Variants in VIT observed in about 807,000 individuals in gnomAD.
VIT encodes the protein vitrin.
Under a neutral mutation model 78.0 loss-of-function variants are expected in VIT, and 99 were observed. The ratio of observed to expected loss-of-function variants is 1.27; its 90% confidence interval spans 1.08 to 1.50. VIT has a LOEUF of 1.50. VIT is among the 40% of genes most tolerant of loss of function. The pLI is 0.00. For missense variants in VIT, 1,126 were observed against 875.3 expected (o/e 1.29, Z -3.61); for synonymous variants, 374 against 334.3 (o/e 1.12, Z -1.29).
intron 4 of VIT, 120 bp from the exon 5 acceptor site, chr2:36,754,801 T>C: frequency 8.7e-7 from 1 of 1,152,216 alleles, no homozygotes; most frequent in Non-Finnish European, 1.2e-6. Context: ...CAAGGTAAAC[T>C]TTGCTTAACC....
At chr2:36,743,359 T>A in intron 4 of VIT, 103 bp downstream of exon 4, 1 of 1,210,198 alleles carries the variant, frequency 8.3e-7, no homozygotes. Context: ...TATACAAATA[T>A]TTTTTAGCTC....
intron 1 of VIT, among the ~76,000 whole-genome samples, chr2:36,703,448 A>T (rs556735441): frequency 9.9e-5 from 15 of 152,182 alleles, no homozygotes; most frequent in African/African-American, 3.6e-4. Context: ...TGAGGCCTCA[A>T]CCAAAACTAA....
intron 4 of VIT, among the ~76,000 whole-genome samples, chr2:36,753,413 C>T (rs1363800314): frequency 2.0e-5 from 3 of 152,140 alleles, no homozygotes; most frequent in Non-Finnish European, 2.9e-5. Context: ...CAGGTGTCCG[C>T]GGCACCTTCT....
At chr2:36,790,869 T>C (rs752092140) in intron 12 of VIT, among the ~76,000 whole-genome samples, 3 of 151,652 alleles carry the variant, frequency 2.0e-5, no homozygotes, top group Admixed American at 6.6e-5. Flanking sequence ...GGCTTATAAT[T>C]GCACCTAATA....
chr2:36,709,786 G>C (rs1172275092), intron 1 of VIT, among the ~76,000 whole-genome samples: 1 of 152,146 alleles, frequency 6.6e-6, no homozygotes, highest in Non-Finnish European at 1.5e-5. Context: ...TCAAAAGAGA[G>C]GATTACTCAG....
chr2:36,747,223 T>C (rs1472366247), intron 4 of VIT, among the ~76,000 whole-genome samples: 1 of 152,158 alleles, frequency 6.6e-6, no homozygotes, highest in East Asian at 1.9e-4. Context: ...ACTAAACATG[T>C]GGTCAATCAT....
At position 36,712,582 on chromosome 2, in the gene VIT, T is replaced by C. The variant is rs576005668; in HGVS notation, c.-18-3771T>C. Among the ~76,000 whole-genome samples the C allele has an allele frequency of 2.0e-5, 3 of 152,300 alleles. No individual in the cohort carries two copies. In the South Asian group the frequency reaches 6.2e-4, roughly 32 times the overall value. On this transcript the variant is annotated intron_variant, in intron 1 of 15. Coordinates refer to ENST00000379242, the MANE Select transcript of VIT (RefSeq NM_053276.4). Reference sequence around the variant, plus strand: ...GGCCGGGGGTGGTGGCTCACACCTGTAATCCCAGACTTTGGGAGGCTGAGG... The same window carrying C: ...GGCCGGGGGTGGTGGCTCACACCTGCAATCCCAGACTTTGGGAGGCTGAGG...
At chr2:36,776,424 C>A (rs948632911) in intron 9 of VIT, among the ~76,000 whole-genome samples, 13 of 139,188 alleles carry the variant, frequency 9.3e-5, no homozygotes, top group Admixed American at 2.4e-4. Context: ...CTCACTGAAG[C>A]CTTGGTTTTA....
Position 36,767,218 on chromosome 2 carries a change from C to G in VIT, c.612C>G (p.Ser204=), listed in dbSNP as rs375277965. Residue 204 remains serine, a synonymous_variant, in exon 7 of 16, where the codon TCC becomes TCG. Transcript: ENST00000379242. ...CCCCCACCACCTTGCCAAGGCCATCCCCTTCTGCTGCTTCTACCACCAGCA... is the reference window on the plus strand; with the variant it reads ...CCCCCACCACCTTGCCAAGGCCATCGCCTTCTGCTGCTTCTACCACCAGCA... The part of the protein sequence containing the change: ...VATPTTLPRP[S]PSAASTTSIP... The G allele has an allele frequency of 6.2e-7, 1 of 1,607,568 alleles. No homozygotes were observed. The highest frequency in any genetic ancestry group is 8.5e-7 in the Non-Finnish European group (1 of 1,177,258).
chr2:36,805,769 C>T, intron 14 of VIT, 105 bp downstream of exon 14: 1 of 1,271,658 alleles, frequency 7.9e-7, no homozygotes, highest in South Asian at 1.5e-5. Context: ...GTGCATGAAG[C>T]TCATCTCTAG....
At chr2:36,751,088 C>T (rs956236296) in intron 4 of VIT, among the ~76,000 whole-genome samples, 1 of 152,066 alleles carries the variant, frequency 6.6e-6, no homozygotes, top group Admixed American at 6.5e-5. Context: ...GGCAAAACCC[C>T]GTCTCTACTA....
chr2:36,794,910 G>A (rs1228093792), intron 12 of VIT, among the ~76,000 whole-genome samples: 1 of 152,116 alleles, frequency 6.6e-6, no homozygotes, highest in Non-Finnish European at 1.5e-5. Context: ...TAGCTCATCT[G>A]TATGCCTCTG....
chr2:36,717,182 A>ATT (rs577779821), intron 2 of VIT, among the ~76,000 whole-genome samples: 50 of 118,068 alleles, frequency 4.2e-4, no homozygotes, highest in African/African-American at 1.4e-3. Flanking sequence ...GCCAGAGATG[A>ATT]TTTTTTTTTT....
chr2:36,743,893 CA>C (rs1184472440), intron 4 of VIT, among the ~76,000 whole-genome samples: 1 of 151,932 alleles, frequency 6.6e-6, no homozygotes, highest in Admixed American at 6.6e-5. Flanking sequence ...GTTTGGAGTA[CA>C]AATGAACCCA....
At chr2:36,787,523 ATATT>A (rs1665187355) in intron 12 of VIT, among the ~76,000 whole-genome samples, 1 of 152,240 alleles carries the variant, frequency 6.6e-6, no homozygotes, top group Non-Finnish European at 1.5e-5. Context: ...GCACTCAAGA[ATATT>A]TATTTGTCTG....
At chr2:36,806,338 C>A (rs1018352665) in intron 14 of VIT, among the ~76,000 whole-genome samples, 2 of 152,204 alleles carry the variant, frequency 1.3e-5, no homozygotes, top group Non-Finnish European at 2.9e-5. Context: ...GCCAGCAGGG[C>A]TCAACCTCCT....
At chr2:36,765,492 C>A (rs1669376278) in intron 6 of VIT, among the ~76,000 whole-genome samples, 1 of 151,374 alleles carries the variant, frequency 6.6e-6, no homozygotes, top group South Asian at 2.1e-4. Context: ...AGAACTCACT[C>A]ACTATCATGA....
chr2:36,792,955 C>G (rs1665611054), intron 12 of VIT, among the ~76,000 whole-genome samples: 1 of 152,192 alleles, frequency 6.6e-6, no homozygotes, highest in Admixed American at 6.5e-5. Context: ...CATTGCTACT[C>G]AAAGTGTGAT....
At chr2:36,708,116 C>G (rs980406193) in intron 1 of VIT, among the ~76,000 whole-genome samples, 1 of 150,432 alleles carries the variant, frequency 6.6e-6, no homozygotes, top group Non-Finnish European at 1.5e-5. Flanking sequence ...GACCTCCCCC[C>G]CCCGCCCACC....
Sources: gnomAD v4.1 joint callset for allele counts (sites outside exome capture counted in the v4.1 genomes callset) on GRCh38, gnomAD v4.1.1 for gene constraint, MANE v1.5 for transcripts, NCBI Gene and HGNC (gene_info 2026-07-23, HGNC 2026-07-21) for gene names.